Variants in TBATA observed in about 807,000 individuals in gnomAD.
The protein encoded by TBATA is protein TBATA.
A neutral mutation model predicts 38.7 loss-of-function variants in TBATA; 47 were observed. That is an observed-to-expected ratio of 1.21 (90% CI 0.96 to 1.55). TBATA has a LOEUF of 1.55. Among genes scored for constraint, TBATA ranks in the 40% most tolerant of loss-of-function variants. The probability of loss-of-function intolerance (pLI) is 0.00; values close to 1 mark genes in which losing one functional copy is unlikely to be tolerated. For synonymous variants in TBATA, 183 were observed against 170.5 expected, an observed-to-expected ratio of 1.07 and a Z score of -0.57; for missense variants, 436 against 435.6, an observed-to-expected ratio of 1.00 and a Z score of -0.01.
chr10:70,779,520 C>T, intron 5 of TBATA, 73 bp downstream of exon 5: 2 of 1,411,900 alleles, frequency 1.4e-6, no homozygotes, highest in Admixed American at 3.0e-5. Flanking sequence ...CTTCTGGGCA[C>T]CCACCCAAGT....
rs148997480 is a variant in TBATA, at chr10:70,772,836, G to C, written c.921-270C>G. On this transcript the variant is annotated intron_variant, in intron 9 of 10. Transcript: ENST00000456372. ...TTCCACTGGGAAGCAAGGCCCTCCT[G>C]TCTCTGGAGAAACAGGGCATGGACT... Among the ~76,000 whole-genome samples the C allele has an allele frequency of 2.3e-3, 347 of 152,296 alleles. 2 individuals are homozygous for C. Among genetic ancestry groups the C allele is most frequent in the African/African-American group, 8.1e-3 (336 of 41,560 alleles).
At position 70,783,330 on chromosome 10, in the gene TBATA, G is replaced by A. The variant is rs1844492683; in HGVS notation, c.41+9C>T. 11 of 1,614,016 alleles carry A rather than the reference G, an allele frequency of 6.8e-6. No homozygotes were observed. Among genetic ancestry groups the A allele is most frequent in the Admixed American group, 1.7e-5 (1 of 60,004 alleles). On this transcript the variant is annotated intron_variant, in intron 3 of 10. Coordinates refer to ENST00000456372, the MANE Select transcript of TBATA (RefSeq NM_001318241.2). ...CCTCAGTCAGCAGGGTGGGCATTTG[G>A]AGCCTCACCTCATCAGTGGATAATC... is the stretch of plus-strand genomic sequence containing the variant.
At chr10:70,779,140 C>G (rs1048160234) in intron 5 of TBATA, among the ~76,000 whole-genome samples, 2 of 152,200 alleles carry the variant, frequency 1.3e-5, no homozygotes, top group Non-Finnish European at 2.9e-5. Flanking sequence ...CTTCCCTGTC[C>G]CCACCAAACT....
At position 70,781,742 on chromosome 10, in the gene TBATA, G is replaced by A. The variant is rs1326560840; in HGVS notation, c.277+59C>T. 4 of 1,488,470 alleles carry A rather than the reference G, an allele frequency of 2.7e-6. No individual in the cohort carries two copies. In the South Asian group the frequency reaches 3.5e-5, roughly 13 times the overall value. The allele number at this position is 1,488,470 out of a possible 1,614,324, so 92.2% of individuals were successfully genotyped here. A position where few individuals can be genotyped will look rare whatever the true frequency, so the allele number is the denominator to read the frequency against. ...GGCTGCCATCAATTCTTGCTTCCCA[G>A]TTCTCAAGACCAATTAGTGATACTC... On this transcript the variant is annotated intron_variant, in intron 4 of 10. Transcript: ENST00000456372.
Position 70,783,457 on chromosome 10 carries a change from T to C in TBATA, c.-78A>G. ...ATGCAGAACAGGAACTCTCACTTAA[T>C]ACTAGTGTTGAGGATGCAGAACAGG... is the stretch of plus-strand genomic sequence containing the variant. On this transcript the variant is annotated 5_prime_UTR_variant, in exon 3 of 11. Coordinates refer to ENST00000456372, the MANE Select transcript of TBATA (RefSeq NM_001318241.2). 6.5e-7 allele frequency: 1 copy of C among 1,535,018 alleles called. No homozygotes were observed. Among genetic ancestry groups the C allele is most frequent in the South Asian group, 1.1e-5 (1 of 88,796 alleles).
chr10:70,776,257 C>A, intron 7 of TBATA: 2 of 437,602 alleles, frequency 4.6e-6, no homozygotes, highest in Non-Finnish European at 9.3e-6. Flanking sequence ...TCCCCAGATG[C>A]CCACCCGCTG....
chr10:70,772,374 A>G, intron 10 of TBATA, 140 bp downstream of exon 10: 1 of 847,214 alleles, frequency 1.2e-6, no homozygotes, highest in South Asian at 1.4e-5. Context: ...AAGAATGAAT[A>G]TGAATAAGTG....
intron 9 of TBATA, among the ~76,000 whole-genome samples, chr10:70,773,080 T>C (rs1022818553): frequency 2.0e-5 from 3 of 152,176 alleles, no homozygotes; most frequent in African/African-American, 2.4e-5. Flanking sequence ...TTTTGAGAGA[T>C]AGTTGAAGCT....
chr10:70,771,321 C>G lies in TBATA; in HGVS notation c.*55G>C. 1.9e-6 allele frequency: 3 copies of G among 1,613,970 alleles called. No homozygotes were observed. The highest frequency in any genetic ancestry group is 1.7e-6 in the Non-Finnish European group (2 of 1,179,870). On this transcript the variant is annotated 3_prime_UTR_variant, in exon 11 of 11. Transcript: ENST00000456372. ...TGTGAAGGTGGTGGAGACAGAAACA[C>G]CCCTGAACCCTTGGGGCTGCTCTTG...
At chr10:70,774,119 C>T (rs1843080591) in intron 9 of TBATA, 94 bp downstream of exon 9, 2 of 1,526,480 alleles carry the variant, frequency 1.3e-6, no homozygotes, top group South Asian at 2.4e-5. Flanking sequence ...CAGCCCAGAC[C>T]CTGGTCAGCG....
At chr10:70,775,492 T>C (rs1440858686) in intron 7 of TBATA, among the ~76,000 whole-genome samples, 1 of 152,184 alleles carries the variant, frequency 6.6e-6, no homozygotes, top group Non-Finnish European at 1.5e-5. Context: ...GGAAGATTCT[T>C]AATCTTCCTG....
At chr10:70,774,876 A>G (rs1019183507) in intron 8 of TBATA, among the ~76,000 whole-genome samples, 29 of 152,026 alleles carry the variant, frequency 1.9e-4, no homozygotes, top group African/African-American at 6.5e-4. Context: ...GCAACGTGTG[A>G]GGGGCTGTGT....
chr10:70,777,649 GATGCC>G (rs1269465760), intron 6 of TBATA: 20 of 424,262 alleles, frequency 4.7e-5, no homozygotes, highest in African/African-American at 3.7e-4. Context: ...TCGATCGCTG[GATGCC>G]CGCGGGTGGT....
At chr10:70,774,753 C>T (rs551768595) in intron 8 of TBATA, among the ~76,000 whole-genome samples, 3 of 152,318 alleles carry the variant, frequency 2.0e-5, no homozygotes, top group African/African-American at 7.2e-5. Flanking sequence ...CAGATGCACC[C>T]CCTACCCACT....
chr10:70,784,956 A>G (rs749935982), intron 1 of TBATA, among the ~76,000 whole-genome samples, 183 bp from the exon 2 acceptor site: 6 of 152,146 alleles, frequency 3.9e-5, no homozygotes, highest in Non-Finnish European at 8.8e-5. Context: ...TGATATTTTT[A>G]CCCTATTTTT....
intron 3 of TBATA, 102 bp from the exon 4 acceptor site, chr10:70,782,138 G>C: frequency 7.5e-7 from 1 of 1,336,160 alleles, no homozygotes; most frequent in Non-Finnish European, 1.0e-6. Context: ...TTCCTGAGGA[G>C]CTCTGAAATC....
chr10:70,778,906 G>T, intron 5 of TBATA: 1 of 543,906 alleles, frequency 1.8e-6, no homozygotes, highest in South Asian at 2.0e-5. Flanking sequence ...GCATTTCTAG[G>T]GGATGCTGGA....
intron 3 of TBATA, 90 bp downstream of exon 3, chr10:70,783,249 C>T: frequency 1.4e-6 from 2 of 1,454,896 alleles, no homozygotes; most frequent in South Asian, 1.2e-5. Flanking sequence ...GACTCCTAAT[C>T]TGTTGAGATC....
intron 4 of TBATA, 100 bp downstream of exon 4, chr10:70,781,701 C>G (rs72816539): frequency 0.049 from 57,962 of 1,174,748 alleles, 1,792 homozygotes; most frequent in African/African-American, 0.13. Flanking sequence ...CCTCTCTGGG[C>G]CCCAGCCTGG....
Sources: allele counts gnomAD v4.1 joint callset (sites outside exome capture counted in the v4.1 genomes callset), GRCh38; gene constraint gnomAD v4.1.1; transcripts MANE v1.5; gene names NCBI Gene and HGNC (gene_info 2026-07-23, HGNC 2026-07-21).